The following CPA6 variants were observed in gnomAD, a reference collection of about 807,000 sequenced individuals.
CPA6 encodes the protein carboxypeptidase B.
CPA6 carries 58 observed loss-of-function variants against 63.3 expected under a neutral mutation model. The observed-to-expected ratio is 0.92, with a 90% CI of 0.74 to 1.14. CPA6 has a LOEUF of 1.14. Ranked by LOEUF, CPA6 falls within the 50% of genes most tolerant of loss-of-function variation. The probability of loss-of-function intolerance (pLI) is 0.00; values close to 1 mark genes in which losing one functional copy is unlikely to be tolerated. For missense variants in CPA6, 565 were observed against 526.6 expected (o/e 1.07, Z -0.71); for synonymous variants, 185 against 179.0 (o/e 1.03, Z -0.27).
intron 1 of CPA6, among the ~76,000 whole-genome samples, chr8:67,745,071 A>G (rs1817982886): frequency 6.6e-6 from 1 of 152,222 alleles, no homozygotes; most frequent in African/African-American, 2.4e-5. Context: ...ACTTGGTTTT[A>G]AGACACTGTA....
intron 1 of CPA6, among the ~76,000 whole-genome samples, chr8:67,660,444 C>T (rs1816084012): frequency 6.7e-6 from 1 of 149,148 alleles, no homozygotes; most frequent in Non-Finnish European, 1.5e-5. Flanking sequence ...ATCTTCCCAC[C>T]TCAGGCTCCT....
At chr8:67,447,440 G>A (rs1810450891) in intron 8 of CPA6, among the ~76,000 whole-genome samples, 1 of 151,806 alleles carries the variant, frequency 6.6e-6, no homozygotes, top group East Asian at 2.0e-4. Flanking sequence ...TTACATCTGA[G>A]TGCTTTTATT....
At chr8:67,459,370 C>A (rs1014747702) in intron 8 of CPA6, among the ~76,000 whole-genome samples, 1 of 152,092 alleles carries the variant, frequency 6.6e-6, no homozygotes, top group Non-Finnish European at 1.5e-5. Context: ...ACCAAGATGT[C>A]CTTTAGTAGA....
chr8:67,561,003 T>A (rs1813197440), intron 2 of CPA6, among the ~76,000 whole-genome samples: 1 of 152,200 alleles, frequency 6.6e-6, no homozygotes, highest in East Asian at 1.9e-4. Context: ...GATGATTCTA[T>A]CTAGTTAACT....
intron 1 of CPA6, among the ~76,000 whole-genome samples, chr8:67,709,970 G>C (rs937693876): frequency 6.6e-6 from 1 of 152,024 alleles, no homozygotes; most frequent in African/African-American, 2.4e-5. Flanking sequence ...AACATTAGCT[G>C]GGCATGGTGG....
intron 1 of CPA6, among the ~76,000 whole-genome samples, chr8:67,672,813 A>C (rs773984379): frequency 1.3e-5 from 2 of 152,242 alleles, no homozygotes; most frequent in Non-Finnish European, 2.9e-5. Flanking sequence ...ATGCCAAATC[A>C]GAGTCTTCCT....
At chr8:67,631,999 C>T (rs554505516) in intron 1 of CPA6, among the ~76,000 whole-genome samples, 221 of 152,296 alleles carry the variant, frequency 1.5e-3, no homozygotes, top group African/African-American at 5.1e-3. Context: ...GTAACACTCA[C>T]CGCGAGGGTC....
chr8:67,643,894 T>C (rs1815651568), intron 1 of CPA6, among the ~76,000 whole-genome samples: 1 of 152,112 alleles, frequency 6.6e-6, no homozygotes, highest in Non-Finnish European at 1.5e-5. Flanking sequence ...GGTAGCGATG[T>C]CTATAGATCA....
chr8:67,683,893 TGGCTCACTGTAACCTAAGACTTCTG>T (rs915308986), intron 1 of CPA6, among the ~76,000 whole-genome samples: 1 of 150,594 alleles, frequency 6.6e-6, no homozygotes, highest in African/African-American at 2.4e-5. Flanking sequence ...GGTGCCATCA[TGGCTCACTGTAACCTAAGACTTCTG>T]GGCTTAAGCC....
intron 8 of CPA6, among the ~76,000 whole-genome samples, chr8:67,468,629 T>A (rs142353840): frequency 8.3e-6 from 1 of 120,486 alleles, no homozygotes; most frequent in Non-Finnish European, 1.8e-5. Context: ...AATAAAATAA[T>A]AATAATAAGA....
chr8:67,568,892 A>G (rs1265497305), intron 2 of CPA6, among the ~76,000 whole-genome samples: 1 of 152,128 alleles, frequency 6.6e-6, no homozygotes, highest in Admixed American at 6.5e-5. Flanking sequence ...CTGGGATTAC[A>G]GGCACCCACC....
intron 1 of CPA6, among the ~76,000 whole-genome samples, chr8:67,704,372 G>A (rs930460042): frequency 6.6e-6 from 1 of 152,162 alleles, no homozygotes; most frequent in Non-Finnish European, 1.5e-5. Context: ...CAGGCTTCTT[G>A]TCTGCTTAAA....
intron 1 of CPA6, among the ~76,000 whole-genome samples, chr8:67,738,629 G>GA (rs1021803812): frequency 1.3e-4 from 20 of 150,606 alleles, no homozygotes; most frequent in East Asian, 5.8e-4. Context: ...AAGTACACTG[G>GA]AAAAAAAAAG....
At chr8:67,479,300 T>C (rs1811308018) in intron 8 of CPA6, among the ~76,000 whole-genome samples, 1 of 152,206 alleles carries the variant, frequency 6.6e-6, no homozygotes, top group African/African-American at 2.4e-5. Flanking sequence ...CTGCTGTATA[T>C]TCTTCAAGTC....
At chr8:67,632,908 A>C (rs185428719) in intron 1 of CPA6, among the ~76,000 whole-genome samples, 1 of 152,248 alleles carries the variant, frequency 6.6e-6, no homozygotes, top group Non-Finnish European at 1.5e-5. Context: ...TCTTTCGTAT[A>C]TAAAAAGGTC....
intron 2 of CPA6, among the ~76,000 whole-genome samples, chr8:67,548,077 T>C (rs1414401301): frequency 6.6e-6 from 1 of 151,646 alleles, no homozygotes; most frequent in Non-Finnish European, 1.5e-5. Flanking sequence ...TTTTTTTTCT[T>C]TTCTTTTCTT....
chr8:67,714,609 G>A (rs1006687513), intron 1 of CPA6, among the ~76,000 whole-genome samples: 27 of 152,114 alleles, frequency 1.8e-4, no homozygotes, highest in African/African-American at 6.5e-4. Flanking sequence ...TTGAGGTCGG[G>A]GGCTGCAGTC....
Position 67,552,755 on chromosome 8 carries a change from T to C in CPA6, c.193-34708A>G, listed in dbSNP as rs544267052. On this transcript the variant is annotated intron_variant, in intron 2 of 10. Transcript: ENST00000297770. ...TGGTGCCACTGCACTCCAGCCTGGG[T>C]GACAGAGCAAGACTGTCTCAAAAAA... Among the ~76,000 whole-genome samples, 17 of 102,898 alleles carry C rather than the reference T, an allele frequency of 1.7e-4. No individual in the cohort carries two copies. The South Asian group carries it at 2.3e-3, about 14-fold the overall frequency. The allele number at this position is 102,898 out of a possible 152,430, so 67.5% of individuals were successfully genotyped here.
chr8:67,575,500 T>C (rs575581733), intron 2 of CPA6, among the ~76,000 whole-genome samples: 21 of 152,310 alleles, frequency 1.4e-4, no homozygotes, highest in African/African-American at 4.8e-4. Context: ...CCATCACTGA[T>C]GAATGTATAA....
Sources: allele counts gnomAD v4.1 joint callset (sites outside exome capture counted in the v4.1 genomes callset), GRCh38; gene constraint gnomAD v4.1.1; transcripts MANE v1.5; gene names NCBI Gene and HGNC (gene_info 2026-07-23, HGNC 2026-07-21).